The following CDH8 variants were observed in gnomAD, a reference collection of about 807,000 sequenced individuals.
CDH8 encodes cadherin 8.
In CDH8, 17 loss-of-function variants were observed where a neutral mutation model predicts 68.1. The ratio of observed to expected loss-of-function variants is 0.25; its 90% CI spans 0.17 to 0.37. The LOEUF (loss-of-function observed/expected upper bound fraction) is 0.37. CDH8 is among the 10% of genes least tolerant of loss of function. The pLI, the probability that CDH8 is intolerant of heterozygous loss-of-function variation, is 1.00. For missense variants in CDH8, 763 were observed against 999.3 expected (o/e 0.76, Z 3.19); for synonymous variants, 372 against 365.1 (o/e 1.02, Z -0.21).
At chr16:61,881,051 G>C (rs1963566142) in intron 3 of CDH8, among the ~76,000 whole-genome samples, 1 of 152,072 alleles carries the variant, frequency 6.6e-6, no homozygotes, top group Admixed American at 6.5e-5. Flanking sequence ...CTTAAAACTG[G>C]ATTCTTGCCC....
At chr16:61,959,846 T>C (rs538727416) in intron 2 of CDH8, among the ~76,000 whole-genome samples, 26 of 148,308 alleles carry the variant, frequency 1.8e-4, no homozygotes, top group Non-Finnish European at 3.1e-4. Flanking sequence ...TATATATATA[T>C]ACATATATGT....
At chr16:62,000,671 A>G (rs1380656307) in intron 2 of CDH8, among the ~76,000 whole-genome samples, 1 of 152,218 alleles carries the variant, frequency 6.6e-6, no homozygotes, top group Non-Finnish European at 1.5e-5. Context: ...TGCTGAAGGC[A>G]TAATGATATA....
rs938824102 is a variant in CDH8, at chr16:61,651,356, C to A, written c.*2252G>T. On this transcript the variant is annotated 3_prime_UTR_variant, in exon 12 of 12. Coordinates refer to ENST00000577390, the MANE Select transcript of CDH8 (RefSeq NM_001796.5). ...ACCTCAAGAAAAAGTGTTCACTAGCCGTAATAATACGCATAAAAGATGACT... is the reference window on the plus strand; with the variant it reads ...ACCTCAAGAAAAAGTGTTCACTAGCAGTAATAATACGCATAAAAGATGACT... 1 of 151,922 alleles carries A rather than the reference C, an allele frequency of 6.6e-6. No individual in the cohort carries two copies. Among genetic ancestry groups the A allele is most frequent in the Admixed American group, 6.6e-5 (1 of 15,262 alleles). 9.4% of individuals were successfully genotyped at this position (151,922 alleles called of 1,614,324 possible). A position where few individuals can be genotyped will look rare whatever the true frequency, so the allele number is the denominator to read the frequency against.
intron 8 of CDH8, among the ~76,000 whole-genome samples, chr16:61,779,425 A>ATGTGTGTGTGTGTGTGTGTG (rs10539934): frequency 1.4e-5 from 2 of 139,032 alleles, no homozygotes; most frequent in Non-Finnish European, 3.1e-5. Flanking sequence ...ATGTTCGTTT[A>ATGTGTGTGTGTGTGTGTGTG]TGTGTGTGTG....
intron 2 of CDH8, among the ~76,000 whole-genome samples, chr16:61,913,493 C>T (rs1466459216): frequency 6.6e-6 from 1 of 152,112 alleles, no homozygotes; most frequent in Non-Finnish European, 1.5e-5. Context: ...ACCAACCTCT[C>T]ATGGATACTG....
intron 3 of CDH8, among the ~76,000 whole-genome samples, chr16:61,887,663 C>T (rs1963699605): frequency 2.0e-5 from 3 of 152,010 alleles, no homozygotes; most frequent in Admixed American, 2.0e-4. Context: ...CTTAAAAGTC[C>T]CATCTCCAAA....
At chr16:61,991,991 T>A (rs1193902515) in intron 2 of CDH8, among the ~76,000 whole-genome samples, 5 of 151,910 alleles carry the variant, frequency 3.3e-5, no homozygotes, top group Non-Finnish European at 7.4e-5. Context: ...GTTGGCCAGA[T>A]AATGTAGTGA....
intron 10 of CDH8, among the ~76,000 whole-genome samples, chr16:61,674,381 G>A (rs1385036718): frequency 1.3e-5 from 2 of 151,554 alleles, no homozygotes; most frequent in African/African-American, 4.9e-5. Flanking sequence ...TTGAACCTGG[G>A]AGGCAGAGGT....
chr16:61,789,759 A>G (rs1395680938), intron 7 of CDH8, among the ~76,000 whole-genome samples: 1 of 152,116 alleles, frequency 6.6e-6, no homozygotes, highest in Non-Finnish European at 1.5e-5. Context: ...GCTGATGAAG[A>G]GTTAATTGGA....
intron 10 of CDH8, among the ~76,000 whole-genome samples, chr16:61,680,901 G>T (rs576533129): frequency 1.6e-4 from 25 of 151,956 alleles, no homozygotes; most frequent in African/African-American, 5.8e-4. Flanking sequence ...ATAATATTTA[G>T]TACAGGGCAA....
intron 5 of CDH8, among the ~76,000 whole-genome samples, chr16:61,822,060 A>G (rs1962225912): frequency 6.6e-6 from 1 of 151,872 alleles, no homozygotes. Flanking sequence ...CACAGGAGTT[A>G]GTATATAAAA....
At chr16:61,980,350 A>G (rs1965509611) in intron 2 of CDH8, among the ~76,000 whole-genome samples, 1 of 152,182 alleles carries the variant, frequency 6.6e-6, no homozygotes, top group African/African-American at 2.4e-5. Context: ...TTGACGTCAT[A>G]TCTTCCTTCT....
intron 2 of CDH8, among the ~76,000 whole-genome samples, chr16:61,935,198 G>A (rs117027386): frequency 0.027 from 4,055 of 152,226 alleles, 73 homozygotes; most frequent in Non-Finnish European, 0.041. Context: ...TGCTTTAAAC[G>A]AGCCTGATAA....
At chr16:61,960,792 C>A (rs1016456016) in intron 2 of CDH8, among the ~76,000 whole-genome samples, 1 of 152,110 alleles carries the variant, frequency 6.6e-6, no homozygotes, top group African/African-American at 2.4e-5. Flanking sequence ...GAAGAGTATA[C>A]TTCATCCTTT....
At chr16:61,899,153 G>A (rs937766654) in intron 3 of CDH8, among the ~76,000 whole-genome samples, 4 of 152,104 alleles carry the variant, frequency 2.6e-5, no homozygotes, top group South Asian at 2.1e-4. Flanking sequence ...GACAGGCCCC[G>A]GTGTGTGATG....
intron 2 of CDH8, among the ~76,000 whole-genome samples, chr16:61,901,823 G>T (rs971432845): frequency 2.6e-5 from 4 of 152,008 alleles, no homozygotes; most frequent in African/African-American, 9.7e-5. Flanking sequence ...CCTTTTATGG[G>T]TCACTATCTG....
chr16:61,998,369 CTTAT>C (rs1157928363), intron 2 of CDH8, among the ~76,000 whole-genome samples: 1 of 152,036 alleles, frequency 6.6e-6, no homozygotes, highest in Non-Finnish European at 1.5e-5. Flanking sequence ...TGTCTTTTTC[CTTAT>C]TTGACAGGTG....
chr16:61,808,415 C>A (rs1234480318), intron 7 of CDH8, among the ~76,000 whole-genome samples: 4 of 152,068 alleles, frequency 2.6e-5, no homozygotes, highest in Admixed American at 6.6e-5. Flanking sequence ...AGCAGGGAAA[C>A]ATCACAGTAT....
chr16:61,807,484 A>C (rs1228608037), intron 7 of CDH8, among the ~76,000 whole-genome samples: 2 of 151,768 alleles, frequency 1.3e-5, no homozygotes, highest in African/African-American at 4.8e-5. Flanking sequence ...AATAAAAAAA[A>C]CAAAAAACAA....
Sources: gnomAD v4.1 joint callset for allele counts (sites outside exome capture counted in the v4.1 genomes callset) on GRCh38, gnomAD v4.1.1 for gene constraint, MANE v1.5 for transcripts, NCBI Gene and HGNC (gene_info 2026-07-23, HGNC 2026-07-21) for gene names.